CTNNA1: variants seen among roughly 807,000 people sequenced by gnomAD.
CTNNA1 encodes catenin alpha 1.
CTNNA1 carries 37 observed loss-of-function variants against 98.4 expected under a neutral mutation model. The observed-to-expected ratio is 0.38, with a 90% CI of 0.29 to 0.49. CTNNA1 has a LOEUF of 0.49. Among genes scored for constraint, CTNNA1 ranks in the 20% least tolerant of loss-of-function variants. The pLI, the probability that CTNNA1 is intolerant of heterozygous loss-of-function variation, is 0.95. For missense variants in CTNNA1, 761 were observed against 1,147.2 expected (o/e 0.66, Z 4.86); for synonymous variants, 404 against 413.2 (o/e 0.98, Z 0.27).
intron 9 of CTNNA1, among the ~76,000 whole-genome samples, chr5:138,900,296 G>A (rs1019529688): frequency 7.2e-5 from 11 of 152,198 alleles, no homozygotes; most frequent in Admixed American, 1.3e-4. Context: ...CTGCTGCTGC[G>A]TTGGTGGGTC....
chr5:138,807,745 G>C (rs1235246275), intron 3 of CTNNA1, among the ~76,000 whole-genome samples: 1 of 151,968 alleles, frequency 6.6e-6, no homozygotes, highest in Non-Finnish European at 1.5e-5. Context: ...GTTTAAGACA[G>C]TATTTATATA....
rs544709176 is a variant in CTNNA1 at position 138,843,596 on chromosome 5, T to C, written c.1062+15878T>C. ...AATGGGAAAATGATGCAATTAGTAA[T>C]GGAAACTGAAAAAGGAAATGATGCC... On this transcript the variant is annotated intron_variant, in intron 7 of 17. Transcript: ENST00000302763. Among the ~76,000 whole-genome samples the C allele has an allele frequency of 7.6e-4, 116 of 152,244 alleles. 1 individual carries two copies. The highest frequency in any genetic ancestry group is 2.6e-3 in the African/African-American group (110 of 41,558).
At chr5:138,895,829 T>C (rs971332265) in intron 9 of CTNNA1, among the ~76,000 whole-genome samples, 1 of 152,242 alleles carries the variant, frequency 6.6e-6, no homozygotes, top group Non-Finnish European at 1.5e-5. Context: ...AAAGCTGTTA[T>C]TTCAGTAGCA....
intron 9 of CTNNA1, among the ~76,000 whole-genome samples, chr5:138,897,082 C>T (rs1444725635): frequency 1.7e-5 from 2 of 118,258 alleles, no homozygotes; most frequent in African/African-American, 3.9e-5. Flanking sequence ...ATGATATATA[C>T]AGTGATTGTG....
At chr5:138,927,194 T>A (rs1289895837) in intron 13 of CTNNA1, among the ~76,000 whole-genome samples, 1 of 152,176 alleles carries the variant, frequency 6.6e-6, no homozygotes, top group Non-Finnish European at 1.5e-5. Context: ...GCCAGAGCGA[T>A]TTCTGTAAGC....
intron 7 of CTNNA1, among the ~76,000 whole-genome samples, chr5:138,833,773 T>G (rs977422681): frequency 1.2e-4 from 18 of 152,218 alleles, no homozygotes; most frequent in African/African-American, 4.3e-4. Flanking sequence ...TTTTAATACT[T>G]AAAACTGTAG....
chr5:138,850,648 C>T (rs1561591717), intron 7 of CTNNA1, among the ~76,000 whole-genome samples: 2 of 152,172 alleles, frequency 1.3e-5, no homozygotes, highest in African/African-American at 2.4e-5. Flanking sequence ...TTTACTATAA[C>T]AACTTTGAAG....
At chr5:138,774,307 G>A (rs891154025) in intron 1 of CTNNA1, among the ~76,000 whole-genome samples, 1 of 151,958 alleles carries the variant, frequency 6.6e-6, no homozygotes, top group Non-Finnish European at 1.5e-5. Context: ...TTACAGGTGG[G>A]AGCCACCACA....
chr5:138,856,245 A>T (rs1763711862), intron 7 of CTNNA1, among the ~76,000 whole-genome samples: 2 of 152,348 alleles, frequency 1.3e-5, no homozygotes, highest in Middle Eastern at 3.4e-3. Flanking sequence ...TATGAACGTA[A>T]CAAATTAAAC....
intron 7 of CTNNA1, among the ~76,000 whole-genome samples, chr5:138,848,390 C>T (rs896886320): frequency 6.6e-6 from 1 of 152,030 alleles, no homozygotes; most frequent in East Asian, 1.9e-4. Flanking sequence ...TTTAAGTCCT[C>T]TTTTTTTTGT....
chr5:138,781,875 A>G (rs1755151979), intron 1 of CTNNA1, 48 bp from the exon 2 acceptor site: 1 of 1,512,280 alleles, frequency 6.6e-7, no homozygotes, highest in African/African-American at 1.4e-5. Context: ...TACATATTTC[A>G]TGTTTGTGTT....
At chr5:138,800,757 C>T (rs147893425) in intron 3 of CTNNA1, among the ~76,000 whole-genome samples, 6,323 of 151,922 alleles carry the variant, frequency 0.042, 205 homozygotes, top group Non-Finnish European at 0.062. Flanking sequence ...GAGCTGAGAT[C>T]GCGCCACTGC....
chr5:138,834,028 A>C (rs1561575164), intron 7 of CTNNA1, among the ~76,000 whole-genome samples: 1 of 152,212 alleles, frequency 6.6e-6, no homozygotes, highest in Non-Finnish European at 1.5e-5. Flanking sequence ...GATTGTATGA[A>C]TGGTATGCAG....
chr5:138,872,435 C>T (rs771709297), intron 7 of CTNNA1: 1 of 152,430 alleles, frequency 6.6e-6, no homozygotes, highest in Non-Finnish European at 1.5e-5. Flanking sequence ...TTGATAATAT[C>T]TACTAACCCA....
chr5:138,805,839 G>C (rs1427854200), intron 3 of CTNNA1, among the ~76,000 whole-genome samples: 1 of 148,400 alleles, frequency 6.7e-6, no homozygotes, highest in South Asian at 2.2e-4. Flanking sequence ...TTCATTTGTG[G>C]ATTGTCTTTT....
chr5:138,919,937 G>A (rs565959327), intron 11 of CTNNA1, among the ~76,000 whole-genome samples: 199 of 147,206 alleles, frequency 1.4e-3, no homozygotes, highest in Non-Finnish European at 2.1e-3. Flanking sequence ...ATGTTCTTAC[G>A]TACATCCCTT....
intron 1 of CTNNA1, among the ~76,000 whole-genome samples, chr5:138,764,883 T>TTG (rs1752752478): frequency 6.9e-6 from 1 of 144,106 alleles, no homozygotes; most frequent in Non-Finnish European, 1.5e-5. Context: ...TTTTTTTTTT[T>TTG]TTTTTTTGAG....
At chr5:138,779,856 C>T (rs941992123) in intron 1 of CTNNA1, among the ~76,000 whole-genome samples, 2 of 151,926 alleles carry the variant, frequency 1.3e-5, no homozygotes, top group Non-Finnish European at 2.9e-5. Context: ...GCTGGGATTA[C>T]GGGCGTGTAC....
At chr5:138,833,308 T>G (rs181791218) in intron 7 of CTNNA1, among the ~76,000 whole-genome samples, 2 of 152,328 alleles carry the variant, frequency 1.3e-5, no homozygotes, top group Non-Finnish European at 2.9e-5. Flanking sequence ...TGGGCTTAAG[T>G]AGTTCTAGCT....
Sources: gnomAD v4.1 joint callset for allele counts (sites outside exome capture counted in the v4.1 genomes callset) on GRCh38, gnomAD v4.1.1 for gene constraint, MANE v1.5 for transcripts, NCBI Gene and HGNC (gene_info 2026-07-23, HGNC 2026-07-21) for gene names.